The following CHLSN variants were observed in gnomAD, a reference collection of about 807,000 sequenced individuals.
CHLSN encodes the protein cholesin.
chr7:1,114,775 C>T, the CHLSN span, among the ~76,000 whole-genome samples: 1 of 152,244 alleles, frequency 6.6e-6, no homozygotes, highest in Non-Finnish European at 1.5e-5. Context: ...CGAGGGTGGC[C>T]CGGGAGCCAT....
the CHLSN span, among the ~76,000 whole-genome samples, chr7:1,028,048 G>T: frequency 6.6e-6 from 1 of 151,812 alleles, no homozygotes; most frequent in South Asian, 2.1e-4. Context: ...ACCGTCCAGG[G>T]CCTGCTCGGG....
chr7:980,964 A>G, the CHLSN span, among the ~76,000 whole-genome samples: 1 of 151,460 alleles, frequency 6.6e-6, no homozygotes, highest in Non-Finnish European at 1.5e-5. Flanking sequence ...AAGTGCTGGG[A>G]TTACAGGCAT....
chr7:1,121,682 C>T, the CHLSN span, among the ~76,000 whole-genome samples: 5 of 152,256 alleles, frequency 3.3e-5, no homozygotes, highest in African/African-American at 4.8e-5. Flanking sequence ...CAGGCGGTCA[C>T]GCCAGACGGG....
the CHLSN span, among the ~76,000 whole-genome samples, chr7:1,121,165 C>CAGG: frequency 6.6e-6 from 1 of 152,206 alleles, no homozygotes; most frequent in Non-Finnish European, 1.5e-5. Context: ...CTCAGTTCCC[C>CAGG]CACACGTAAG....
the CHLSN span, among the ~76,000 whole-genome samples, chr7:1,098,943 G>A: frequency 1.3e-5 from 2 of 152,238 alleles, no homozygotes; most frequent in Non-Finnish European, 1.5e-5. Context: ...AAAAATCACC[G>A]AGGTACACAC....
chr7:1,093,157 C>T, the CHLSN span: 4 of 594,240 alleles, frequency 6.7e-6, no homozygotes, highest in Admixed American at 4.3e-5. Flanking sequence ...CCCTGCCTGC[C>T]GCTGCACCTG....
the CHLSN span, among the ~76,000 whole-genome samples, chr7:1,046,796 A>G: frequency 6.6e-6 from 1 of 152,172 alleles, no homozygotes; most frequent in Non-Finnish European, 1.5e-5. Flanking sequence ...CCCCATTTTA[A>G]TTGGAACCAA....
the CHLSN span, chr7:1,127,464 G>A: frequency 7.4e-7 from 1 of 1,342,446 alleles, no homozygotes; most frequent in Non-Finnish European, 1.0e-6. Context: ...ATAAAAAGAG[G>A]TAGGGCACTC....
the CHLSN span, among the ~76,000 whole-genome samples, chr7:1,016,011 T>C: frequency 6.7e-6 from 1 of 150,290 alleles, no homozygotes; most frequent in African/African-American, 2.5e-5. Context: ...CACATGAGGA[T>C]CCCAGACAAA....
the CHLSN span, among the ~76,000 whole-genome samples, chr7:1,021,816 C>T: frequency 6.6e-6 from 1 of 152,258 alleles, no homozygotes; most frequent in African/African-American, 2.4e-5. Flanking sequence ...GAGAACTGTG[C>T]CTGGCACAGG....
chr7:1,001,785 G>A, the CHLSN span, among the ~76,000 whole-genome samples: 1 of 128,044 alleles, frequency 7.8e-6, no homozygotes, highest in East Asian at 2.6e-4. Flanking sequence ...GGAGTCCTGT[G>A]GGTGGGGAGT....
the CHLSN span, among the ~76,000 whole-genome samples, chr7:1,061,057 C>T: frequency 0.016 from 2,503 of 152,286 alleles, 69 homozygotes; most frequent in African/African-American, 0.057. Context: ...AGGAAAGGGG[C>T]GGACCCCACA....
the CHLSN span, among the ~76,000 whole-genome samples, chr7:1,118,992 C>T: frequency 2.0e-5 from 3 of 152,034 alleles, no homozygotes; most frequent in South Asian, 2.1e-4. Context: ...CAGTGGCTCA[C>T]GCCTGTAATC....
the CHLSN span, chr7:987,303 C>A: frequency 6.6e-7 from 1 of 1,524,344 alleles, no homozygotes; most frequent in Non-Finnish European, 8.8e-7. Flanking sequence ...CCCCCAGGGA[C>A]GAGGGATGGC....
the CHLSN span, chr7:1,026,040 C>T: frequency 2.0e-5 from 3 of 152,210 alleles, no homozygotes; most frequent in African/African-American, 7.2e-5. Context: ...ACCCCAGATC[C>T]CAGAGGCCCT....
chr7:986,943 T>A, the CHLSN span: 1 of 1,321,914 alleles, frequency 7.6e-7, no homozygotes, highest in South Asian at 1.6e-5. Flanking sequence ...TCAGTCTCCT[T>A]GTCTGTGAAA....
chr7:1,104,335 G>A, the CHLSN span, among the ~76,000 whole-genome samples: 1 of 152,246 alleles, frequency 6.6e-6, no homozygotes, highest in African/African-American at 2.4e-5. Context: ...GGACTTCGAG[G>A]CTGCAGTGAG....
the CHLSN span, chr7:997,478 C>T: frequency 1.5e-6 from 1 of 658,990 alleles, no homozygotes; most frequent in African/African-American, 1.9e-5. Flanking sequence ...TGCTGGTGAT[C>T]CCGGCCCCCA....
chr7:1,066,663 G>A, the CHLSN span, among the ~76,000 whole-genome samples: 1 of 152,322 alleles, frequency 6.6e-6, no homozygotes, highest in African/African-American at 2.4e-5. Flanking sequence ...ACCAGCCCCA[G>A]ACCCTTGGTA....
Sources: gnomAD v4.1 joint callset for allele counts (sites outside exome capture counted in the v4.1 genomes callset) on GRCh38, gnomAD v4.1.1 for gene constraint, MANE v1.5 for transcripts, NCBI Gene and HGNC (gene_info 2026-07-23, HGNC 2026-07-21) for gene names.